The following MACF1 variants were observed in gnomAD, a reference collection of about 807,000 sequenced individuals.
MACF1 encodes the protein microtubule-actin cross-linking factor 1.
In MACF1, 193 loss-of-function variants were observed where a neutral mutation model predicts 854.8. That is an observed-to-expected ratio of 0.23 (90% CI 0.20 to 0.25). The LOEUF (loss-of-function observed/expected upper bound fraction) is 0.25, where lower values mean the gene tolerates loss of function less well. Ranked by LOEUF, MACF1 falls within the 10% of genes least tolerant of loss-of-function variation. MACF1 has a pLI of 1.00. For synonymous variants in MACF1, 3,185 were observed against 3,226.7 expected, an observed-to-expected ratio of 0.99 and a Z score of 0.44; for missense variants, 7,722 against 8,929.1, an observed-to-expected ratio of 0.86 and a Z score of 5.45.
chr1:39,478,880 T>C (rs1187252924), intron 97 of MACF1, among the ~76,000 whole-genome samples: 1 of 152,218 alleles, frequency 6.6e-6, no homozygotes, highest in Non-Finnish European at 1.5e-5. Context: ...GTGCACAGTT[T>C]AGGGTGGATG....
chr1:39,448,858 C>A, intron 84 of MACF1, 95 bp downstream of exon 84: 2 of 975,810 alleles, frequency 2.0e-6, no homozygotes, highest in Non-Finnish European at 3.0e-6. Context: ...GCTAATGCAT[C>A]AGTAAGAGGT....
In MACF1 at chr1:39,387,607, G is replaced by C; in HGVS notation, c.14765G>C (p.Cys4922Ser). 1.9e-6 allele frequency: 3 copies of C among 1,614,180 alleles called. No homozygotes were observed. Among genetic ancestry groups the C allele is most frequent in the Non-Finnish European group, 2.5e-6 (3 of 1,180,044 alleles). ...VEDLVPWIED[C>S]KAKMSELRVT... ...GACCTTGTGCCATGGATAGAAGATT[G>C]TAAAGCTAAGATGTCTGAGTTGCGA... is the stretch of plus-strand genomic sequence containing the variant. The change falls in exon 58 of 101, where the codon TGT becomes TCT. Residue 4922 changes from cysteine (C) to serine (S), a missense_variant. Physicochemically the swap from Cys to Ser is moderately radical, Grantham distance 112 (BLOSUM62 -1). This residue lies in a region of MACF1 where 2,807 missense variants were observed against 3,235.8 expected (regional missense o/e 0.87). Transcript: ENST00000564288.
chr1:39,390,592 C>T lies in MACF1; in HGVS notation c.15816+1934C>T, dbSNP rs143105540. ...TAAACCCGTGAAGCAGTGCATTCCT[C>T]TTAGAAACTTCCTTTCTAGTGGTAG... On this transcript the variant is annotated intron_variant, in intron 58 of 100. Coordinates refer to ENST00000564288, the MANE Select transcript of MACF1 (RefSeq NM_001394062.1). Among the ~76,000 whole-genome samples, 577 of 152,330 alleles carry T rather than the reference C, an allele frequency of 3.8e-3. 6 individuals carry two copies. The Middle Eastern group carries it at 0.068, about 18-fold the overall frequency.
At chr1:39,393,196 A>AAAAAAAAAAATATATATATATAT (rs57576149) in intron 58 of MACF1, among the ~76,000 whole-genome samples, 18 of 66,552 alleles carry the variant, frequency 2.7e-4, no homozygotes, top group Non-Finnish European at 3.9e-4. Flanking sequence ...AAAAAAAAAA[A>AAAAAAAAAAATATATATATATAT]ATATATATAT....
intron 1 of MACF1, among the ~76,000 whole-genome samples, chr1:39,213,142 A>G (rs182348580): frequency 1.9e-3 from 291 of 152,326 alleles, no homozygotes; most frequent in Middle Eastern, 6.8e-3. Flanking sequence ...CTAAAATGGA[A>G]ATGATAATAT....
chr1:39,202,910 C>A (rs1355523217), upstream of MACF1, among the ~76,000 whole-genome samples: 3 of 152,084 alleles, frequency 2.0e-5, no homozygotes, highest in Non-Finnish European at 4.4e-5. Flanking sequence ...TGTAGATGAT[C>A]CTATTGCCAG....
chr1:39,343,323 A>G (rs1187634452), intron 40 of MACF1, among the ~76,000 whole-genome samples: 2 of 152,232 alleles, frequency 1.3e-5, no homozygotes, highest in Admixed American at 6.5e-5. Context: ...TAAGAGAAGC[A>G]GACATAAAAG....
chr1:39,382,450 A>T (rs1650308522), intron 56 of MACF1, among the ~76,000 whole-genome samples: 1 of 151,842 alleles, frequency 6.6e-6, no homozygotes, highest in African/African-American at 2.4e-5. Context: ...CACACCTGTA[A>T]TCCCAGCACT....
At chr1:39,366,717 C>G (rs1384871677) in intron 49 of MACF1, among the ~76,000 whole-genome samples, 2 of 140,486 alleles carry the variant, frequency 1.4e-5, no homozygotes, top group Non-Finnish European at 3.1e-5. Context: ...TTTTTTGAGA[C>G]AGAGACTTGC....
chr1:39,226,403 C>T (rs1644716466), intron 1 of MACF1, among the ~76,000 whole-genome samples: 1 of 151,268 alleles, frequency 6.6e-6, no homozygotes, highest in Non-Finnish European at 1.5e-5. Context: ...TGCAGTGGCA[C>T]GATCTCAGCT....
intron 2 of MACF1, among the ~76,000 whole-genome samples, chr1:39,128,611 A>G (rs1250866151): frequency 1.3e-5 from 2 of 152,084 alleles, no homozygotes; most frequent in Non-Finnish European, 2.9e-5. Flanking sequence ...AGGCAGGAGA[A>G]TGGCGTGAAC....
intron 2 of MACF1, among the ~76,000 whole-genome samples, chr1:39,097,374 AG>A (rs1641963329): frequency 6.6e-6 from 1 of 152,158 alleles, no homozygotes; most frequent in South Asian, 2.1e-4. Flanking sequence ...ATGAATTTCA[AG>A]GATTCAATCT....
intron 2 of MACF1, among the ~76,000 whole-genome samples, chr1:39,137,532 A>C (rs1643209405): frequency 6.6e-6 from 1 of 152,162 alleles, no homozygotes. Context: ...CACCTGGCTA[A>C]TTTTTAAATT....
chr1:39,298,197 G>T (rs1645964736), intron 21 of MACF1, among the ~76,000 whole-genome samples: 1 of 151,464 alleles, frequency 6.6e-6, no homozygotes, highest in Non-Finnish European at 1.5e-5. Flanking sequence ...CTCCTTGGTA[G>T]TTTTCTTTTG....
intron 2 of MACF1, among the ~76,000 whole-genome samples, chr1:39,186,351 C>A (rs973836866): frequency 6.6e-6 from 1 of 151,168 alleles, no homozygotes; most frequent in South Asian, 2.1e-4. Context: ...ACTGCAACCA[C>A]CAACTCCCTG....
At chr1:39,297,804 T>C in intron 21 of MACF1, 59 bp downstream of exon 21, 2 of 1,592,018 alleles carry the variant, frequency 1.3e-6, no homozygotes, top group Admixed American at 1.7e-5. Flanking sequence ...CCATATCAGC[T>C]GCTGCTGTTT....
chr1:39,466,676 T>C (rs1322084233), intron 95 of MACF1, among the ~76,000 whole-genome samples: 1 of 152,128 alleles, frequency 6.6e-6, no homozygotes, highest in African/African-American at 2.4e-5. Context: ...TTTTCACTTG[T>C]GGGGCCCAGC....
At chr1:39,161,118 G>C (rs1002870117) in intron 2 of MACF1, among the ~76,000 whole-genome samples, 1 of 152,108 alleles carries the variant, frequency 6.6e-6, no homozygotes, top group Admixed American at 6.6e-5. Context: ...TCCACTGCTC[G>C]TGCTTTTTCT....
chr1:39,301,838 G>A (rs1301219883), intron 22 of MACF1, among the ~76,000 whole-genome samples: 1 of 152,038 alleles, frequency 6.6e-6, no homozygotes, highest in Non-Finnish European at 1.5e-5. Flanking sequence ...AAGTTCTTGA[G>A]TAATCTGTCT....
Sources: allele counts gnomAD v4.1 joint callset (sites outside exome capture counted in the v4.1 genomes callset), GRCh38; gene constraint gnomAD v4.1.1; regional missense constraint gnomAD v4.1.1; transcripts MANE v1.5; gene names NCBI Gene and HGNC (gene_info 2026-07-23, HGNC 2026-07-21).